AKAP13: variants seen among roughly 807,000 people sequenced by gnomAD.
The protein encoded by AKAP13 is A-kinase anchor protein 13.
Under a neutral mutation model 264.5 loss-of-function variants are expected in AKAP13, and 80 were observed. The observed-to-expected ratio is 0.30, with a 90% CI of 0.25 to 0.36. The LOEUF (loss-of-function observed/expected upper bound fraction) is 0.36. AKAP13 is among the 10% of genes least tolerant of loss of function. The pLI is 1.00. For synonymous variants in AKAP13, 1,380 were observed against 1,250.2 expected (o/e 1.10, Z -2.19); for missense variants, 3,712 against 3,435.2 (o/e 1.08, Z -2.01).
At position 85,579,748 on chromosome 15, in the gene AKAP13, C is replaced by G. The variant is rs770789098; in HGVS notation, c.1680C>G (p.Thr560=). 1 of 1,614,052 alleles carries G rather than the reference C, an allele frequency of 6.2e-7. No homozygotes were observed. The highest frequency in any genetic ancestry group is 1.3e-5 in the African/African-American group (1 of 74,904). ...ESSLAFSNEE[T]STEKTAETET... ...CACTTGCATTTAGTAATGAAGAAAC[C>G]TCCACTGAAAAAACAGCAGAAACGG... is the stretch of plus-strand genomic sequence containing the variant. The change falls in exon 7 of 37, where the codon ACC becomes ACG. Residue 560 remains threonine, a synonymous_variant. Transcript: ENST00000394518.
chr15:85,480,437 C>T (rs1040938749), intron 1 of AKAP13, among the ~76,000 whole-genome samples: 1 of 152,180 alleles, frequency 6.6e-6, no homozygotes, highest in Non-Finnish European at 1.5e-5. Flanking sequence ...AGTAACCCCA[C>T]AGTATAGGAA....
At chr15:85,702,059 CATG>C (rs2085948605) in intron 17 of AKAP13, 1 of 152,084 alleles carries the variant, frequency 6.6e-6, no homozygotes. Context: ...GCCTGACCAA[CATG>C]GTGAAACCCC....
intron 12 of AKAP13, chr15:85,662,533 T>G: frequency 1.3e-6 from 2 of 1,540,168 alleles, no homozygotes; most frequent in South Asian, 1.1e-5. Context: ...GGAGCTGGCT[T>G]CTGTGTGGCT....
chr15:85,623,913 C>A (rs1331229964), intron 8 of AKAP13, among the ~76,000 whole-genome samples: 3 of 152,216 alleles, frequency 2.0e-5, no homozygotes, highest in Non-Finnish European at 1.5e-5. Context: ...CCTTTGGTAC[C>A]AATATGCCCA....
intron 1 of AKAP13, among the ~76,000 whole-genome samples, chr15:85,417,345 A>G (rs962406414): frequency 6.6e-6 from 1 of 152,206 alleles, no homozygotes; most frequent in Admixed American, 6.5e-5. Context: ...ATTGGTATGT[A>G]TGACCAAAGG....
intron 1 of AKAP13, among the ~76,000 whole-genome samples, chr15:85,474,590 C>A (rs2075086102): frequency 6.6e-6 from 1 of 152,140 alleles, no homozygotes; most frequent in South Asian, 2.1e-4. Context: ...TTAACAAAAT[C>A]TTTAATAGGG....
intron 1 of AKAP13, among the ~76,000 whole-genome samples, chr15:85,391,722 C>T (rs1292754634): frequency 1.3e-5 from 2 of 151,660 alleles, no homozygotes; most frequent in African/African-American, 2.4e-5. Context: ...TAGACTCAAG[C>T]GATCCACCCA....
chr15:85,581,870 G>C lies in AKAP13; in HGVS notation c.3802G>C (p.Ala1268Pro), dbSNP rs1290260588. 2.5e-6 allele frequency: 4 copies of C among 1,614,182 alleles called. No individual in the cohort carries two copies. Among genetic ancestry groups the C allele is most frequent in the Non-Finnish European group, 3.4e-6 (4 of 1,180,008 alleles). The change falls in exon 7 of 37, where the codon GCA becomes CCA. Residue 1268 changes from alanine to proline, a missense_variant. By Grantham distance (27) the Ala-to-Pro change is conservative (BLOSUM62 -1). Transcript: ENST00000394518. ...CATCGAACAAGTCAAGGCCGCTGGA[G>C]CACTGCTTACTGAGGGGGAGGCCTG... Reference protein sequence around the residue: ...AVIEQVKAAGALLTEGEACHM... With the variant: ...AVIEQVKAAGPLLTEGEACHM...
chr15:85,513,288 G>C (rs1464036489), intron 2 of AKAP13, among the ~76,000 whole-genome samples: 1 of 152,150 alleles, frequency 6.6e-6, no homozygotes, highest in East Asian at 1.9e-4. Flanking sequence ...CTTCACATCT[G>C]TATTGATAGG....
chr15:85,434,778 A>T (rs2073196592), intron 1 of AKAP13, among the ~76,000 whole-genome samples: 1 of 151,638 alleles, frequency 6.6e-6, no homozygotes, highest in Non-Finnish European at 1.5e-5. Flanking sequence ...TTAGAAGGAA[A>T]ACTAACAAAC....
intron 17 of AKAP13, among the ~76,000 whole-genome samples, chr15:85,695,999 G>T (rs112306310): frequency 1.3e-5 from 2 of 152,176 alleles, no homozygotes; most frequent in African/African-American, 4.8e-5. Context: ...TTTATAGCAT[G>T]TTCACCTATT....
rs1245012866 is a variant in AKAP13, at chr15:85,727,402, A to G, written c.7026A>G (p.Gly2342=). 1.9e-6 allele frequency: 3 copies of G among 1,614,120 alleles called. No homozygotes were observed. Among genetic ancestry groups the G allele is most frequent in the Non-Finnish European group, 2.5e-6 (3 of 1,180,044 alleles). The part of the protein sequence containing the change: ...INTLNRDEDE[G]IPSENEEEKK... The stretch of plus-strand genomic sequence containing the variant: ...TTAGGAACAGAGATGAAGATGAAGG[A>G]ATTCCTAGTGAGAATGAGGAAGAAA... Residue 2342 remains glycine (G), a synonymous_variant, in exon 29 of 37, where the codon GGA becomes GGG. Coordinates refer to ENST00000394518, the MANE Select transcript of AKAP13 (RefSeq NM_007200.5). The surrounding 1 kb of genome is among the most constrained non-coding windows in gnomAD (Gnocchi z 5.3).
chr15:85,397,790 T>A (rs1189328711), intron 1 of AKAP13, among the ~76,000 whole-genome samples: 1 of 152,230 alleles, frequency 6.6e-6, no homozygotes, highest in African/African-American at 2.4e-5. Flanking sequence ...GATTGAGGAA[T>A]AAACAAAATA....
At chr15:85,726,357 AACTATT>A in intron 26 of AKAP13, 47 bp from the exon 27 acceptor site, 1 of 1,462,342 alleles carries the variant, frequency 6.8e-7, no homozygotes, top group Non-Finnish European at 9.5e-7. Flanking sequence ...GACTGTGGGT[AACTATT>A]AAGTAGTCAT....
chr15:85,740,171 T>G, intron 33 of AKAP13, 51 bp from the exon 34 acceptor site: 181 of 1,582,328 alleles, frequency 1.1e-4, no homozygotes, highest in Middle Eastern at 3.3e-4. Context: ...TGATGGATTC[T>G]GAGATTCATA....
Position 85,718,795 on chromosome 15 carries a change from G to A in AKAP13, c.6002-281G>A. 3 of 369,600 alleles carry A rather than the reference G, an allele frequency of 8.1e-6. No homozygotes were observed. The South Asian group carries it at 8.2e-5, about 10-fold the overall frequency. 22.9% of individuals were successfully genotyped at this position (369,600 alleles called of 1,614,324 possible). A position where few individuals can be genotyped will look rare whatever the true frequency, so the allele number is the denominator to read the frequency against. ...TGTACCTGCAGCCCCAGCTGCTCGA[G>A]AGGCTAAAGCAGAAAGATCGCTTGA... On this transcript the variant is annotated intron_variant, in intron 22 of 36. Transcript: ENST00000394518. The surrounding 1 kb of genome is among the most constrained non-coding windows in gnomAD (Gnocchi z 4.9).
intron 8 of AKAP13, among the ~76,000 whole-genome samples, chr15:85,608,403 C>T (rs1410816232): frequency 1.3e-5 from 2 of 152,212 alleles, no homozygotes; most frequent in African/African-American, 2.4e-5. Context: ...TTCATCTCAC[C>T]TTGGATGTAT....
chr15:85,590,501 C>A lies in AKAP13; in HGVS notation c.4161+4678C>A, dbSNP rs1457107402. Among the ~76,000 whole-genome samples, 8 of 152,128 alleles carry A rather than the reference C, an allele frequency of 5.3e-5. 1 individual carries two copies. The highest frequency in any genetic ancestry group is 5.2e-4 in the Admixed American group (8 of 15,260). ...TAAATAAATCCTTACTTTAAAGGTCCAGTGCTGAAAATCATAGTTCATGAA... is the reference window on the plus strand; with the variant it reads ...TAAATAAATCCTTACTTTAAAGGTCAAGTGCTGAAAATCATAGTTCATGAA... On this transcript the variant is annotated intron_variant, in intron 8 of 36. Transcript: ENST00000394518.
chr15:85,472,863 ACTG>A (rs1339127470), intron 1 of AKAP13, among the ~76,000 whole-genome samples: 2 of 152,202 alleles, frequency 1.3e-5, no homozygotes, highest in African/African-American at 4.8e-5. Context: ...ATAATGATAA[ACTG>A]TTGTTTCTAG....
Sources: gnomAD v4.1 joint callset for allele counts (sites outside exome capture counted in the v4.1 genomes callset) on GRCh38, gnomAD v4.1.1 for gene constraint, Gnocchi (gnomAD v3.1) non-coding constraint, MANE v1.5 for transcripts, NCBI Gene and HGNC (gene_info 2026-07-23, HGNC 2026-07-21) for gene names.